Variants in ADAMTS16 observed in about 807,000 individuals in gnomAD.
The protein encoded by ADAMTS16 is A disintegrin and metalloproteinase with thrombospondin motifs 16.
Under a neutral mutation model 145.8 loss-of-function variants are expected in ADAMTS16, and 94 were observed. That is an observed-to-expected ratio of 0.64 (90% CI 0.55 to 0.77). The LOEUF (loss-of-function observed/expected upper bound fraction) is 0.77, where lower values mean the gene tolerates loss of function less well. ADAMTS16 is among the 30% of genes least tolerant of loss of function. The probability of loss-of-function intolerance (pLI) is 0.00; values close to 1 mark genes in which losing one functional copy is unlikely to be tolerated. For synonymous variants in ADAMTS16, 659 were observed against 604.3 expected, an observed-to-expected ratio of 1.09 and a Z score of -1.33; for missense variants, 1,585 against 1,591.5, an observed-to-expected ratio of 1.00 and a Z score of 0.07.
At chr5:5,311,874 G>A (rs1740464291) in intron 21 of ADAMTS16, among the ~76,000 whole-genome samples, 1 of 151,750 alleles carries the variant, frequency 6.6e-6, no homozygotes, top group Non-Finnish European at 1.5e-5. Context: ...CCGCCACCAC[G>A]CCTGGCTAAT....
Position 5,205,538 on chromosome 5 carries a change from C to G in ADAMTS16, c.1452-3555C>G, listed in dbSNP as rs577258305. Among the ~76,000 whole-genome samples the G allele has an allele frequency of 5.1e-4, 78 of 152,148 alleles. 1 individual carries two copies. The highest frequency in any genetic ancestry group is 9.1e-4 in the Non-Finnish European group (62 of 68,040). Reference sequence around the variant, plus strand: ...TGCACCCACACTTTTGGTGGTTGGACCATTTTGCATTCTCACTGGAGGTAA... The same window carrying G: ...TGCACCCACACTTTTGGTGGTTGGAGCATTTTGCATTCTCACTGGAGGTAA... On this transcript the variant is annotated intron_variant, in intron 9 of 22. Transcript: ENST00000274181.
At chr5:5,182,962 C>T (rs1441129630) in intron 4 of ADAMTS16, among the ~76,000 whole-genome samples, 1 of 152,160 alleles carries the variant, frequency 6.6e-6, no homozygotes, top group African/African-American at 2.4e-5. Flanking sequence ...CCCCCTCTCC[C>T]CCTGCCCATT....
chr5:5,255,268 CA>C lies in ADAMTS16; in HGVS notation c.2663-7382del, dbSNP rs200812019. ...GTCAATGTATCAGTGACAGTTTCAC[CA>C]AAAAAATAGAAACCTTTCTAGGTAT... On this transcript the variant is annotated intron_variant, in intron 17 of 22. Transcript: ENST00000274181. 2.6e-5 allele frequency among the ~76,000 whole-genome samples: 4 copies of C among 151,798 alleles called. No individual in the cohort carries two copies. In the South Asian group the frequency reaches 8.3e-4, roughly 32 times the overall value.
At chr5:5,308,139 C>T (rs938148549) in intron 21 of ADAMTS16, among the ~76,000 whole-genome samples, 4 of 152,240 alleles carry the variant, frequency 2.6e-5, no homozygotes, top group African/African-American at 9.6e-5. Context: ...GCCACCAAGA[C>T]ACCCGTCACC....
At chr5:5,232,086 CATTAAAA>C (rs987113435) in intron 11 of ADAMTS16, among the ~76,000 whole-genome samples, 3 of 152,096 alleles carry the variant, frequency 2.0e-5, no homozygotes, top group African/African-American at 7.2e-5. Context: ...AACACTCCTT[CATTAAAA>C]GTGTCAAGTT....
At chr5:5,180,491 G>C (rs1735310864) in intron 3 of ADAMTS16, among the ~76,000 whole-genome samples, 1 of 152,148 alleles carries the variant, frequency 6.6e-6, no homozygotes, top group Admixed American at 6.5e-5. Flanking sequence ...CTATAAAAAG[G>C]AAGTATAATC....
At chr5:5,216,374 A>ATT (rs140020275) in intron 10 of ADAMTS16, among the ~76,000 whole-genome samples, 10 of 147,044 alleles carry the variant, frequency 6.8e-5, no homozygotes, top group East Asian at 2.0e-4. Context: ...TCCTTAGCCC[A>ATT]TTTTTTTTTT....
chr5:5,248,686 T>C (rs12659315), intron 17 of ADAMTS16, among the ~76,000 whole-genome samples: 53,953 of 152,114 alleles, frequency 0.35, 11,084 homozygotes, highest in Middle Eastern at 0.49. Context: ...CTGAGCTTAA[T>C]TGCCAAGGAG....
chr5:5,165,443 T>C (rs1044967143), intron 3 of ADAMTS16, among the ~76,000 whole-genome samples: 3 of 152,164 alleles, frequency 2.0e-5, no homozygotes, highest in Non-Finnish European at 4.4e-5. Context: ...GATAATATAA[T>C]AATATGGTAT....
chr5:5,166,128 GTTTA>G (rs1052731846), intron 3 of ADAMTS16, among the ~76,000 whole-genome samples: 1 of 152,032 alleles, frequency 6.6e-6, no homozygotes, highest in Non-Finnish European at 1.5e-5. Context: ...CATCTTTGAA[GTTTA>G]TTTAATCTAC....
chr5:5,184,152 G>A (rs1267067855), intron 4 of ADAMTS16, among the ~76,000 whole-genome samples: 1 of 152,148 alleles, frequency 6.6e-6, no homozygotes, highest in Non-Finnish European at 1.5e-5. Flanking sequence ...CATCCTCAGG[G>A]CCCTGTGTCA....
Position 5,170,226 on chromosome 5 carries a change from A to G in ADAMTS16, c.502-11818A>G, listed in dbSNP as rs114097497. 3.5e-3 allele frequency among the ~76,000 whole-genome samples: 534 copies of G among 152,306 alleles called. 1 individual carries two copies. Among genetic ancestry groups the G allele is most frequent in the Non-Finnish European group, 6.0e-3 (409 of 68,026 alleles). On this transcript the variant is annotated intron_variant, in intron 3 of 22. Coordinates refer to ENST00000274181, the MANE Select transcript of ADAMTS16 (RefSeq NM_139056.4). Reference sequence around the variant, plus strand: ...GCCAGCATTTTGTTGCCTGTTCTTCAGGTAAGAGCCATTTTACTGAAGTGA... The same window carrying G: ...GCCAGCATTTTGTTGCCTGTTCTTCGGGTAAGAGCCATTTTACTGAAGTGA...
intron 18 of ADAMTS16, among the ~76,000 whole-genome samples, chr5:5,300,452 G>C (rs1739724319): frequency 6.6e-6 from 1 of 152,008 alleles, no homozygotes; most frequent in Non-Finnish European, 1.5e-5. Context: ...AATCCATATA[G>C]GGCAACTCCT....
At chr5:5,236,030 C>T (rs989301461) in intron 13 of ADAMTS16, among the ~76,000 whole-genome samples, 2 of 152,200 alleles carry the variant, frequency 1.3e-5, no homozygotes, top group African/African-American at 4.8e-5. Flanking sequence ...CAGTATGATA[C>T]AGGCCACTAG....
At chr5:5,179,006 G>T (rs529268446) in intron 3 of ADAMTS16, among the ~76,000 whole-genome samples, 35 of 151,928 alleles carry the variant, frequency 2.3e-4, no homozygotes, top group Non-Finnish European at 4.3e-4. Context: ...GGAAAGCAAA[G>T]ATCATCAGGG....
At chr5:5,230,937 C>T (rs750693977) in intron 11 of ADAMTS16, among the ~76,000 whole-genome samples, 2 of 152,194 alleles carry the variant, frequency 1.3e-5, no homozygotes, top group Admixed American at 6.5e-5. Flanking sequence ...AGTTATTCAA[C>T]CTGTTGAAAT....
At position 5,146,396 on chromosome 5, in the gene ADAMTS16, C is replaced by T; in HGVS notation, c.442C>T (p.Gln148Ter). 6.2e-7 allele frequency: 1 copy of T among 1,613,872 alleles called. No individual in the cohort carries two copies. Among genetic ancestry groups the T allele is most frequent in the Non-Finnish European group, 8.5e-7 (1 of 1,180,032 alleles). Residue 148 changes from glutamine (Q) to a stop codon, truncating the protein, a stop_gained, in exon 3 of 23, where the codon CAA (glutamine) becomes TAA (stop). Transcript: ENST00000274181. LOFTEE classifies it high-confidence loss of function. Reference protein sequence around the residue: ...TLPPEDFCFYQGSLRSHRNSS... With the variant: ...TLPPEDFCFY ...ACCGCCAGAGGACTTCTGTTTCTAT[C>T]AAGGCTCTTTGCGATCACACAGAAA... is the stretch of plus-strand genomic sequence containing the variant.
intron 18 of ADAMTS16, among the ~76,000 whole-genome samples, chr5:5,267,189 C>T (rs773808449): frequency 6.6e-6 from 1 of 152,194 alleles, no homozygotes; most frequent in Non-Finnish European, 1.5e-5. Context: ...TCCGACCCCA[C>T]AGCAACGTCT....
chr5:5,288,697 T>G (rs1219751504), intron 18 of ADAMTS16, among the ~76,000 whole-genome samples: 4 of 152,186 alleles, frequency 2.6e-5, no homozygotes, highest in Non-Finnish European at 5.9e-5. Context: ...ATGTATACAT[T>G]TTTTCTAGGT....
Sources: allele counts gnomAD v4.1 joint callset (sites outside exome capture counted in the v4.1 genomes callset), GRCh38; gene constraint gnomAD v4.1.1; transcripts MANE v1.5; gene names NCBI Gene and HGNC (gene_info 2026-07-23, HGNC 2026-07-21).